Variants in CDH20 observed in about 807,000 individuals in gnomAD.
CDH20 encodes the protein cadherin 20, also known as cadherin-20.
CDH20 carries 29 observed loss-of-function variants against 74.2 expected under a neutral mutation model. The ratio of observed to expected loss-of-function variants is 0.39; its 90% confidence interval spans 0.29 to 0.53. CDH20 has a LOEUF of 0.53. Ranked by LOEUF, CDH20 falls within the 20% of genes least tolerant of loss-of-function variation. The pLI is 0.69. For synonymous variants in CDH20, 469 were observed against 405.4 expected (o/e 1.16, Z -1.88); for missense variants, 988 against 1,048.3 (o/e 0.94, Z 0.79).
intron 1 of CDH20, among the ~76,000 whole-genome samples, chr18:61,457,883 G>A (rs546951143): frequency 1.3e-5 from 2 of 152,244 alleles, no homozygotes; most frequent in East Asian, 3.9e-4. Flanking sequence ...ACCTCACACA[G>A]CTGCTACCCT....
intron 10 of CDH20, 43 bp downstream of exon 10, chr18:61,545,187 T>C (rs760030481): frequency 4.0e-6 from 5 of 1,251,886 alleles, no homozygotes; most frequent in African/African-American, 1.5e-5. Context: ...TTCTACAGCA[T>C]AGGCCAGCTA....
At chr18:61,526,786 A>C (rs1912430140) in intron 6 of CDH20, among the ~76,000 whole-genome samples, 1 of 152,238 alleles carries the variant, frequency 6.6e-6, no homozygotes, top group Non-Finnish European at 1.5e-5. Flanking sequence ...GACAAAATTA[A>C]AGTCCTTGTG....
intron 1 of CDH20, among the ~76,000 whole-genome samples, chr18:61,467,341 C>T (rs1909997026): frequency 6.6e-6 from 1 of 152,112 alleles, no homozygotes; most frequent in Non-Finnish European, 1.5e-5. Flanking sequence ...CACATCATCA[C>T]AATGAAGAAA....
At chr18:61,443,708 T>G (rs1036266078) in intron 1 of CDH20, among the ~76,000 whole-genome samples, 2 of 152,186 alleles carry the variant, frequency 1.3e-5, no homozygotes, top group African/African-American at 4.8e-5. Flanking sequence ...TTATAGAGGA[T>G]GCAGGGCACT....
chr18:61,380,473 G>C (rs1452813727), intron 1 of CDH20, among the ~76,000 whole-genome samples: 1 of 152,202 alleles, frequency 6.6e-6, no homozygotes, highest in African/African-American at 2.4e-5. Flanking sequence ...ATTAAAGCCA[G>C]TCCATATTTT....
chr18:61,351,674 G>C (rs1204367149), intron 1 of CDH20, among the ~76,000 whole-genome samples: 1 of 152,000 alleles, frequency 6.6e-6, no homozygotes, highest in African/African-American at 2.4e-5. Flanking sequence ...GTGATATGGG[G>C]ATAGTTTTAA....
intron 1 of CDH20, among the ~76,000 whole-genome samples, chr18:61,379,405 A>G (rs973133986): frequency 6.6e-6 from 1 of 152,192 alleles, no homozygotes; most frequent in African/African-American, 2.4e-5. Flanking sequence ...TAGAACATTA[A>G]TAGAAAAGTC....
Position 61,539,165 on chromosome 18 carries a change from G to C in CDH20, c.1530+20G>C. On this transcript the variant is annotated intron_variant, in intron 9 of 11. Coordinates refer to ENST00000262717, the MANE Select transcript of CDH20 (RefSeq NM_031891.4). ...GGACAGGTAAGGTGGCCTGTGGGTG[G>C]TGCACTCTGCTTAACCCCTAACTTC... 1 of 1,612,724 alleles carries C rather than the reference G, an allele frequency of 6.2e-7. No individual in the cohort carries two copies. Among genetic ancestry groups the C allele is most frequent in the Non-Finnish European group, 8.5e-7 (1 of 1,179,472 alleles).
At chr18:61,390,649 A>G (rs1911749561) in intron 1 of CDH20, among the ~76,000 whole-genome samples, 1 of 152,218 alleles carries the variant, frequency 6.6e-6, no homozygotes, top group South Asian at 2.1e-4. Context: ...TCAAAAACAG[A>G]ATACAGAGTT....
At chr18:61,513,703 C>G (rs1173116783) in intron 6 of CDH20, among the ~76,000 whole-genome samples, 1 of 152,098 alleles carries the variant, frequency 6.6e-6, no homozygotes, top group Admixed American at 6.6e-5. Flanking sequence ...TGGTGGTGAC[C>G]AAACCTCTCA....
At chr18:61,510,738 A>C (rs1911749752) in intron 6 of CDH20, among the ~76,000 whole-genome samples, 1 of 152,204 alleles carries the variant, frequency 6.6e-6, no homozygotes, top group African/African-American at 2.4e-5. Flanking sequence ...TCATCAAATA[A>C]ATCTAGATGT....
intron 1 of CDH20, among the ~76,000 whole-genome samples, chr18:61,396,486 G>A (rs956848488): frequency 6.6e-6 from 1 of 151,850 alleles, no homozygotes; most frequent in Admixed American, 6.6e-5. Flanking sequence ...CCTCATCACA[G>A]CCCACTGATA....
chr18:61,365,282 T>C (rs1482382150), intron 1 of CDH20, among the ~76,000 whole-genome samples: 2 of 152,260 alleles, frequency 1.3e-5, no homozygotes, highest in Non-Finnish European at 2.9e-5. Flanking sequence ...ACATTCATTA[T>C]TGGGTTAGAC....
intron 6 of CDH20, among the ~76,000 whole-genome samples, chr18:61,526,292 C>T (rs1912411183): frequency 1.3e-5 from 2 of 151,792 alleles, no homozygotes; most frequent in South Asian, 2.1e-4. Context: ...CCACACCCAG[C>T]TAATTTTTGT....
intron 1 of CDH20, among the ~76,000 whole-genome samples, chr18:61,467,974 G>A (rs543453573): frequency 2.6e-5 from 4 of 152,110 alleles, no homozygotes; most frequent in South Asian, 2.1e-4. Context: ...TATTAGCTTC[G>A]TTTTACAGGT....
chr18:61,509,438 A>C (rs1274435862), intron 6 of CDH20, among the ~76,000 whole-genome samples: 1 of 152,144 alleles, frequency 6.6e-6, no homozygotes, highest in Non-Finnish European at 1.5e-5. Context: ...GTTCCAAGCA[A>C]AAGGACAGCC....
intron 6 of CDH20, among the ~76,000 whole-genome samples, chr18:61,516,232 G>A (rs547948751): frequency 1.3e-5 from 2 of 152,306 alleles, no homozygotes; most frequent in African/African-American, 4.8e-5. Flanking sequence ...ACCAGTAAAT[G>A]TTAATACTCA....
chr18:61,516,468 C>T (rs1912007990), intron 6 of CDH20, among the ~76,000 whole-genome samples: 1 of 152,102 alleles, frequency 6.6e-6, no homozygotes, highest in Non-Finnish European at 1.5e-5. Flanking sequence ...GAAGGGAATA[C>T]TTAATCCTCC....
At chr18:61,420,179 A>C (rs1912826267) in intron 1 of CDH20, among the ~76,000 whole-genome samples, 1 of 152,172 alleles carries the variant, frequency 6.6e-6, no homozygotes, top group South Asian at 2.1e-4. Flanking sequence ...ATACTTTTTA[A>C]AGCTGGCTAC....
Sources: gnomAD v4.1 joint callset for allele counts (sites outside exome capture counted in the v4.1 genomes callset) on GRCh38, gnomAD v4.1.1 for gene constraint, MANE v1.5 for transcripts, NCBI Gene and HGNC (gene_info 2026-07-23, HGNC 2026-07-21) for gene names.